DIAPH2: variants seen among roughly 807,000 people sequenced by gnomAD.
The protein encoded by DIAPH2 is protein diaphanous homolog 2.
In DIAPH2, 35 loss-of-function variants were observed where a neutral mutation model predicts 92.7. The observed-to-expected ratio is 0.38, with a 90% CI of 0.29 to 0.50. The LOEUF (loss-of-function observed/expected upper bound fraction) is 0.50. Among genes scored for constraint, DIAPH2 ranks in the 20% least tolerant of loss-of-function variants. DIAPH2 has a pLI of 0.94. For missense variants in DIAPH2, 701 were observed against 819.5 expected (o/e 0.86, Z 1.77); for synonymous variants, 301 against 280.4 (o/e 1.07, Z -0.73).
At chrX:97,172,637 C>CCTTT (rs2067462554) in intron 22 of DIAPH2, among the ~76,000 whole-genome samples, 1 of 111,830 alleles carries the variant, frequency 8.9e-6, no homozygotes, top group Non-Finnish European at 1.9e-5. Flanking sequence ...AAGGGGAAAA[C>CCTTT]AAAGGTTTAA....
At chrX:96,740,961 G>A (rs1382065182) in intron 3 of DIAPH2, among the ~76,000 whole-genome samples, 1 of 110,642 alleles carries the variant, frequency 9.0e-6, no homozygotes, top group Non-Finnish European at 1.9e-5. Context: ...CTCTGCTGAT[G>A]ACCTTGCTGC....
intron 25 of DIAPH2, among the ~76,000 whole-genome samples, chrX:97,385,573 G>A (rs2069592256): frequency 9.0e-6 from 1 of 111,343 alleles, no homozygotes; most frequent in African/African-American, 3.3e-5. Context: ...TCTCTATGAG[G>A]TAGGTACTAT....
In DIAPH2 at chrX:96,999,498, CAAA is replaced by C. The variant is rs756579556; in HGVS notation, c.2050+34311_2050+34313del. Among the ~76,000 whole-genome samples the C allele has an allele frequency of 7.2e-3, 340 of 47,359 alleles. 1 individual carries two copies. Among genetic ancestry groups the C allele is most frequent in the Middle Eastern group, 0.027 (2 of 73 alleles). 41.1% of individuals were successfully genotyped at this position (47,359 alleles called of 115,157 possible). ...CCTGGGTGAAAGAGTGAGACTGTCT[CAAA>C]AAAAAAAAAAAAAAAAAAAGAGTCT... On this transcript the variant is annotated intron_variant, in intron 17 of 26. Coordinates refer to ENST00000324765, the MANE Select transcript of DIAPH2 (RefSeq NM_006729.5).
intron 1 of DIAPH2, among the ~76,000 whole-genome samples, chrX:96,716,231 C>T (rs2063949534): frequency 1.8e-5 from 2 of 111,454 alleles, no homozygotes; most frequent in Non-Finnish European, 3.8e-5. Flanking sequence ...GAACTGTATT[C>T]AGAATTAATT....
chrX:96,710,911 C>T (rs2063914112), intron 1 of DIAPH2, among the ~76,000 whole-genome samples: 1 of 111,290 alleles, frequency 9.0e-6, no homozygotes, highest in African/African-American at 3.3e-5. Flanking sequence ...AGCTTAGCAC[C>T]CACTTATGAG....
chrX:96,835,982 T>G (rs2064883509), intron 4 of DIAPH2, among the ~76,000 whole-genome samples: 1 of 110,328 alleles, frequency 9.1e-6, no homozygotes, highest in African/African-American at 3.3e-5. Flanking sequence ...GCTGGCTAAT[T>G]TTTTGTATTT....
intron 17 of DIAPH2, among the ~76,000 whole-genome samples, chrX:97,055,905 T>C (rs1167200744): frequency 3.6e-5 from 4 of 111,953 alleles, no homozygotes; most frequent in African/African-American, 1.3e-4. Flanking sequence ...AACATACTTA[T>C]ATTAATACAG....
intron 22 of DIAPH2, among the ~76,000 whole-genome samples, chrX:97,166,112 A>G (rs1285284634): frequency 1.8e-5 from 2 of 111,746 alleles, no homozygotes; most frequent in Admixed American, 9.5e-5. Flanking sequence ...TAAAAAAAAT[A>G]CATTTATCAA....
At chrX:97,379,704 A>C (rs1377737240) in intron 24 of DIAPH2, among the ~76,000 whole-genome samples, 5 of 111,996 alleles carry the variant, frequency 4.5e-5, no homozygotes, top group East Asian at 2.8e-4. Flanking sequence ...GGTGCTTGTA[A>C]AGTACTTGAG....
rs1602507118 is a variant in DIAPH2, at chrX:96,787,654, G to T, written c.447+29396G>T. Among the ~76,000 whole-genome samples the T allele has an allele frequency of 3.1e-5, 3 of 97,050 alleles. No individual in the cohort carries two copies. In the South Asian group the frequency reaches 1.6e-3, roughly 50 times the overall value. 84.3% of individuals were successfully genotyped at this position (97,050 alleles called of 115,157 possible). A position where few individuals can be genotyped will look rare whatever the true frequency, so the allele number is the denominator to read the frequency against. On this transcript the variant is annotated intron_variant, in intron 4 of 26. Transcript: ENST00000324765. Reference sequence around the variant, plus strand: ...ATGTAATTTATTCACCAATCCCATTGTTGATTAGGATGGTAGACATTACTC... The same window carrying T: ...ATGTAATTTATTCACCAATCCCATTTTTGATTAGGATGGTAGACATTACTC...
At chrX:97,377,706 C>G (rs896219662) in intron 24 of DIAPH2, among the ~76,000 whole-genome samples, 2 of 111,385 alleles carry the variant, frequency 1.8e-5, no homozygotes. Context: ...TGCTGTTTTA[C>G]TTAGAAAGTT....
At chrX:97,461,621 G>T (rs1227603932) in intron 26 of DIAPH2, among the ~76,000 whole-genome samples, 2 of 111,224 alleles carry the variant, frequency 1.8e-5, no homozygotes, top group Non-Finnish European at 1.9e-5. Flanking sequence ...AGATAAAGCA[G>T]CTTCAATATT....
At chrX:96,962,310 T>TATATATATAC (rs1439668036) in intron 16 of DIAPH2, among the ~76,000 whole-genome samples, 3 of 37,566 alleles carry the variant, frequency 8.0e-5, no homozygotes, top group Non-Finnish European at 1.6e-4. Flanking sequence ...CATATATATA[T>TATATATATAC]ACATATATAT....
intron 4 of DIAPH2, among the ~76,000 whole-genome samples, chrX:96,863,502 G>C (rs1020567360): frequency 9.0e-6 from 1 of 110,552 alleles, no homozygotes; most frequent in African/African-American, 3.3e-5. Flanking sequence ...TTTTAAAGAA[G>C]AGAGTATGTA....
chrX:96,837,447 G>C (rs994237502), intron 4 of DIAPH2, among the ~76,000 whole-genome samples: 3 of 105,006 alleles, frequency 2.9e-5, no homozygotes, highest in Non-Finnish European at 5.9e-5. Context: ...GTGTGTGTGT[G>C]TGTGTGTGTG....
At chrX:97,233,706 T>C (rs779012762) in intron 22 of DIAPH2, among the ~76,000 whole-genome samples, 2 of 112,017 alleles carry the variant, frequency 1.8e-5, no homozygotes, top group African/African-American at 6.5e-5. Context: ...TAGTGGCTGA[T>C]TTTTCCTTTT....
intron 19 of DIAPH2, among the ~76,000 whole-genome samples, chrX:97,088,631 C>T (rs745996297): frequency 8.9e-6 from 1 of 111,843 alleles, no homozygotes; most frequent in African/African-American, 3.2e-5. Flanking sequence ...AACTGACTTT[C>T]AGATTTACAG....
chrX:96,869,330 G>A (rs904116194), intron 4 of DIAPH2, among the ~76,000 whole-genome samples: 5 of 110,479 alleles, frequency 4.5e-5, no homozygotes, highest in Middle Eastern at 4.7e-3. Context: ...TTGGGAGGCC[G>A]AGGTGGGTGG....
intron 26 of DIAPH2, among the ~76,000 whole-genome samples, chrX:97,485,692 C>T (rs1292187217): frequency 8.9e-6 from 1 of 112,776 alleles, no homozygotes; most frequent in East Asian, 2.8e-4. Flanking sequence ...AGCTTTATGG[C>T]TTTGAAGCTC....
Sources: allele counts gnomAD v4.1 joint callset (sites outside exome capture counted in the v4.1 genomes callset), GRCh38; gene constraint gnomAD v4.1.1; transcripts MANE v1.5; gene names NCBI Gene and HGNC (gene_info 2026-07-23, HGNC 2026-07-21).